The following PDE11A variants were observed in gnomAD, a reference collection of about 807,000 sequenced individuals.
The protein encoded by PDE11A is dual 3',5'-cyclic-AMP and -GMP phosphodiesterase 11A.
Under a neutral mutation model 100.5 loss-of-function variants are expected in PDE11A, and 100 were observed. The observed-to-expected ratio is 1.00, with a 90% confidence interval of 0.85 to 1.18. The LOEUF (loss-of-function observed/expected upper bound fraction) is 1.18. PDE11A is among the 50% of genes most tolerant of loss of function. The pLI, the probability that PDE11A is intolerant of heterozygous loss-of-function variation, is 0.00. For synonymous variants in PDE11A, 381 were observed against 420.8 expected (o/e 0.91, Z 1.16); for missense variants, 1,141 against 1,152.6 (o/e 0.99, Z 0.15).
At chr2:177,988,950 G>C (rs2085971878) in intron 2 of PDE11A, among the ~76,000 whole-genome samples, 1 of 152,196 alleles carries the variant, frequency 6.6e-6, no homozygotes, top group African/African-American at 2.4e-5. Context: ...ATCAAGATAT[G>C]TGTGTTATCT....
chr2:177,954,825 G>C (rs1389877978), intron 2 of PDE11A, among the ~76,000 whole-genome samples: 1 of 152,166 alleles, frequency 6.6e-6, no homozygotes, highest in African/African-American at 2.4e-5. Context: ...AATTGGTCTG[G>C]GGTGGGATGA....
chr2:178,075,861 A>G (rs1383051208), upstream of PDE11A, among the ~76,000 whole-genome samples: 7 of 152,206 alleles, frequency 4.6e-5, no homozygotes, highest in African/African-American at 1.2e-4. Context: ...AGAATGGCCA[A>G]TATGGAACCT....
At chr2:177,759,623 C>G (rs1259579570) in intron 10 of PDE11A, among the ~76,000 whole-genome samples, 1 of 152,144 alleles carries the variant, frequency 6.6e-6, no homozygotes, top group Admixed American at 6.5e-5. Flanking sequence ...TTTGATACAG[C>G]TAGATAGCCA....
At chr2:178,067,755 C>T (rs986011992) in intron 1 of PDE11A, among the ~76,000 whole-genome samples, 6 of 152,184 alleles carry the variant, frequency 3.9e-5, no homozygotes, top group African/African-American at 1.2e-4. Context: ...AGAGCAGAAG[C>T]ATATCCTGCC....
intron 9 of PDE11A, among the ~76,000 whole-genome samples, chr2:177,793,170 C>T (rs1006819755): frequency 6.6e-6 from 1 of 152,076 alleles, no homozygotes; most frequent in African/African-American, 2.4e-5. Context: ...GCCTTTCAGG[C>T]GGATAAAGAC....
chr2:177,845,575 C>T (rs1017037290), intron 5 of PDE11A, among the ~76,000 whole-genome samples: 2 of 152,026 alleles, frequency 1.3e-5, no homozygotes, highest in Admixed American at 6.6e-5. Flanking sequence ...GGGCTCCTCA[C>T]ATCTCAGACG....
intron 13 of PDE11A, among the ~76,000 whole-genome samples, chr2:177,708,948 C>T (rs573535286): frequency 3.9e-5 from 6 of 152,270 alleles, no homozygotes; most frequent in South Asian, 2.1e-4. Flanking sequence ...GATAGAAACA[C>T]GAAGGTGATG....
At chr2:177,685,965 G>A (rs2080941924) in intron 15 of PDE11A, among the ~76,000 whole-genome samples, 1 of 152,180 alleles carries the variant, frequency 6.6e-6, no homozygotes, top group Non-Finnish European at 1.5e-5. Context: ...AGCTAGAGTT[G>A]CTGGTGTGAA....
intron 5 of PDE11A, among the ~76,000 whole-genome samples, chr2:177,864,833 A>G (rs1452893890): frequency 6.6e-6 from 1 of 152,208 alleles, no homozygotes; most frequent in Non-Finnish European, 1.5e-5. Context: ...GAGGGATGCC[A>G]TAAACAAAAT....
intron 1 of PDE11A, among the ~76,000 whole-genome samples, chr2:178,070,477 A>G (rs1387558023): frequency 6.6e-6 from 1 of 152,210 alleles, no homozygotes; most frequent in East Asian, 1.9e-4. Context: ...CCCTGAGACC[A>G]CTGGAAGAAG....
chr2:177,882,226 C>G (rs2084354934), intron 4 of PDE11A, among the ~76,000 whole-genome samples: 1 of 152,152 alleles, frequency 6.6e-6, no homozygotes, highest in South Asian at 2.1e-4. Flanking sequence ...CTCAAAGCAT[C>G]AGACAACTTA....
rs78912846 is a variant in PDE11A at position 177,776,873 on chromosome 2, C to A, written c.1738-7500G>T. The stretch of plus-strand genomic sequence containing the variant: ...TCTTGGATTGTAGTTCCCATAATGT[C>A]TATATGTCATGGTAGGAACCTGGTG... On this transcript the variant is annotated intron_variant, in intron 9 of 19. Coordinates refer to ENST00000286063, the MANE Select transcript of PDE11A (RefSeq NM_016953.4). 2.5e-3 allele frequency among the ~76,000 whole-genome samples: 388 copies of A among 152,228 alleles called. 3 individuals carry two copies. The highest frequency in any genetic ancestry group is 8.9e-3 in the African/African-American group (371 of 41,536).
At chr2:178,087,292 G>A (rs2087369768) in intron 2 of PDE11A, among the ~76,000 whole-genome samples, 1 of 151,444 alleles carries the variant, frequency 6.6e-6, no homozygotes, top group African/African-American at 2.4e-5. Context: ...GGCAGAGGTT[G>A]CAGTGAGCCA....
At chr2:178,074,006 A>C (rs1285806597), upstream of PDE11A, among the ~76,000 whole-genome samples, 1 of 152,136 alleles carries the variant, frequency 6.6e-6, no homozygotes. Flanking sequence ...GACAAATAAA[A>C]TGTGATAACT....
chr2:177,783,416 T>C (rs543560006), intron 9 of PDE11A, among the ~76,000 whole-genome samples: 2 of 152,196 alleles, frequency 1.3e-5, no homozygotes, highest in East Asian at 1.9e-4. Flanking sequence ...AGGTGGTTTT[T>C]TTCCCCCTGG....
At chr2:178,019,279 T>C (rs1462833472) in intron 1 of PDE11A, among the ~76,000 whole-genome samples, 1 of 152,214 alleles carries the variant, frequency 6.6e-6, no homozygotes, top group Non-Finnish European at 1.5e-5. Context: ...AGCTGCTGAA[T>C]ATAGAGAAGT....
At chr2:177,956,817 A>T (rs78010211) in intron 2 of PDE11A, among the ~76,000 whole-genome samples, 35,821 of 151,886 alleles carry the variant, frequency 0.24, 4,299 homozygotes, top group Middle Eastern at 0.28. Flanking sequence ...AGGACAAAAA[A>T]CCAAACACCG....
chr2:177,650,304 C>CTGTTGTG lies in PDE11A; in HGVS notation c.2646+13555_2646+13561dup, dbSNP rs1425764489. ...GGGAATTCTGCAGGCAACTGTGATT[C>CTGTTGTG]TGTTGTGTTCACCACTCATTTGAAG... On this transcript the variant is annotated intron_variant, in intron 19 of 19. Transcript: ENST00000286063. Among the ~76,000 whole-genome samples the CTGTTGTG allele has an allele frequency of 5.9e-5, 9 of 152,342 alleles. No individual in the cohort carries two copies. In the East Asian group the frequency reaches 1.7e-3, roughly 29 times the overall value.
At chr2:178,077,013 C>T (rs2087215706), upstream of PDE11A, among the ~76,000 whole-genome samples, 1 of 152,184 alleles carries the variant, frequency 6.6e-6, no homozygotes, top group Admixed American at 6.5e-5. Flanking sequence ...TACAATATGG[C>T]ATCTGGGTTT....
Sources: gnomAD v4.1 joint callset for allele counts (sites outside exome capture counted in the v4.1 genomes callset) on GRCh38, gnomAD v4.1.1 for gene constraint, MANE v1.5 for transcripts, NCBI Gene and HGNC (gene_info 2026-07-23, HGNC 2026-07-21) for gene names.